PCDH15: variants seen among roughly 807,000 people sequenced by gnomAD.
The protein encoded by PCDH15 is protocadherin related 15.
Under a neutral mutation model 178.5 loss-of-function variants are expected in PCDH15, and 129 were observed. The observed-to-expected ratio is 0.72, with a 90% CI of 0.63 to 0.84. The LOEUF (loss-of-function observed/expected upper bound fraction) is 0.84. Among genes scored for constraint, PCDH15 ranks in the 40% least tolerant of loss-of-function variants. The probability of loss-of-function intolerance (pLI) is 0.00; values close to 1 mark genes in which losing one functional copy is unlikely to be tolerated. For synonymous variants in PCDH15, 800 were observed against 732.0 expected (o/e 1.09, Z -1.50); for missense variants, 2,230 against 2,099.9 (o/e 1.06, Z -1.21).
At chr10:55,012,992 T>G (rs1390760635) in intron 2 of PCDH15, among the ~76,000 whole-genome samples, 2 of 152,252 alleles carry the variant, frequency 1.3e-5, no homozygotes, top group East Asian at 3.9e-4. Flanking sequence ...AAGACATAAT[T>G]TATCTCCTTC....
At chr10:54,926,741 G>A (rs898659757) in intron 2 of PCDH15, among the ~76,000 whole-genome samples, 1 of 152,060 alleles carries the variant, frequency 6.6e-6, no homozygotes, top group Admixed American at 6.6e-5. Context: ...TATGTGCACA[G>A]ATGTGTTAAT....
chr10:54,921,751 A>G (rs1368043187), intron 2 of PCDH15, among the ~76,000 whole-genome samples: 1 of 152,098 alleles, frequency 6.6e-6, no homozygotes, highest in Non-Finnish European at 1.5e-5. Flanking sequence ...TCCACTCTAG[A>G]ACTGGCATAA....
At chr10:55,197,330 C>A (rs550070328) in intron 1 of PCDH15, among the ~76,000 whole-genome samples, 23 of 151,974 alleles carry the variant, frequency 1.5e-4, no homozygotes, top group Admixed American at 1.0e-3. Flanking sequence ...TAAACAGCAT[C>A]TTTTTGCTCT....
chr10:55,349,547 C>T (rs915333683), intron 2 of PCDH15, among the ~76,000 whole-genome samples: 1 of 151,716 alleles, frequency 6.6e-6, no homozygotes. Context: ...CTTTTTAGCT[C>T]TGAAAAATTA....
intron 2 of PCDH15, among the ~76,000 whole-genome samples, chr10:55,553,369 T>C (rs961333726): frequency 2.0e-5 from 3 of 151,866 alleles, no homozygotes; most frequent in African/African-American, 4.8e-5. Context: ...ATAAACTTTC[T>C]ATGTAATCCA....
chr10:55,072,664 G>T (rs1437796690), intron 2 of PCDH15, among the ~76,000 whole-genome samples: 1 of 151,994 alleles, frequency 6.6e-6, no homozygotes, highest in Non-Finnish European at 1.5e-5. Context: ...AATTCTACCA[G>T]AGGTACAAGG....
intron 2 of PCDH15, among the ~76,000 whole-genome samples, chr10:55,503,015 TTTTCCTAAA>T (rs1412995985): frequency 2.0e-5 from 3 of 151,568 alleles, no homozygotes; most frequent in Non-Finnish European, 3.0e-5. Context: ...ACAACATATA[TTTTCCTAAA>T]TTATACAGAT....
chr10:53,930,457 C>CAAAAAAAA (rs60673116), intron 25 of PCDH15, among the ~76,000 whole-genome samples: 2 of 50,348 alleles, frequency 4.0e-5, no homozygotes, highest in African/African-American at 8.1e-5. Context: ...GACTCCCTCT[C>CAAAAAAAA]AAAAAAAAAA....
intron 3 of PCDH15, among the ~76,000 whole-genome samples, chr10:54,888,861 C>A (rs535092029): frequency 2.1e-5 from 3 of 142,918 alleles, no homozygotes; most frequent in South Asian, 4.4e-4. Flanking sequence ...TGATATATGT[C>A]TTTTACAGAT....
chr10:55,540,534 A>C (rs1336501463), intron 2 of PCDH15, among the ~76,000 whole-genome samples: 1 of 152,114 alleles, frequency 6.6e-6, no homozygotes, highest in African/African-American at 2.4e-5. Context: ...ACCAGACTGT[A>C]ATTCTCTCAG....
intron 2 of PCDH15, among the ~76,000 whole-genome samples, chr10:55,564,672 C>T (rs902082530): frequency 1.3e-5 from 2 of 151,526 alleles, no homozygotes; most frequent in East Asian, 1.9e-4. Context: ...GAAAAAGACG[C>T]TCCATGTAAA....
intron 9 of PCDH15, among the ~76,000 whole-genome samples, chr10:54,214,819 G>A (rs7910568): frequency 2.0e-5 from 3 of 152,012 alleles, no homozygotes; most frequent in South Asian, 2.1e-4. Flanking sequence ...TTGAACTCCC[G>A]ACATCTGGTG....
chr10:54,828,527 A>G (rs1234412438), intron 3 of PCDH15, among the ~76,000 whole-genome samples: 1 of 151,922 alleles, frequency 6.6e-6, no homozygotes, highest in African/African-American at 2.4e-5. Context: ...TTTTTCTCCC[A>G]GGAAAAAATA....
intron 2 of PCDH15, among the ~76,000 whole-genome samples, chr10:55,619,925 T>A (rs530997146): frequency 1.6e-4 from 25 of 152,200 alleles, no homozygotes; most frequent in Middle Eastern, 3.4e-3. Context: ...ACAGTTAATC[T>A]CCTTTTCTAA....
chr10:53,866,564 G>A, intron 27 of PCDH15, 78 bp downstream of exon 27: 1 of 1,062,324 alleles, frequency 9.4e-7, no homozygotes, highest in Non-Finnish European at 1.5e-6. Context: ...ATTAATCTTA[G>A]AAGTTCTATA....
At chr10:54,699,810 ATTTC>A (rs144467280) in intron 1 of PCDH15, among the ~76,000 whole-genome samples, 11,966 of 151,940 alleles carry the variant, frequency 0.079, 519 homozygotes, top group South Asian at 0.14. Context: ...ATAGTTTTTT[ATTTC>A]TTTATCTTTT....
At chr10:54,935,502 C>T (rs1837881384) in intron 2 of PCDH15, among the ~76,000 whole-genome samples, 2 of 152,068 alleles carry the variant, frequency 1.3e-5, no homozygotes, top group African/African-American at 4.8e-5. Context: ...AAAGCAATTA[C>T]TAAAATGGAG....
chr10:55,259,259 T>G (rs544866955), intron 1 of PCDH15, among the ~76,000 whole-genome samples: 1 of 152,094 alleles, frequency 6.6e-6, no homozygotes, highest in African/African-American at 2.4e-5. Flanking sequence ...AAGAGATACA[T>G]AAACATATAA....
chr10:54,522,661 T>C (rs941507456), intron 3 of PCDH15, among the ~76,000 whole-genome samples: 19 of 152,344 alleles, frequency 1.2e-4, no homozygotes, highest in African/African-American at 4.1e-4. Flanking sequence ...TTTTCTTCTC[T>C]GATGCATCGC....
Sources: allele counts gnomAD v4.1 joint callset (sites outside exome capture counted in the v4.1 genomes callset), GRCh38; gene constraint gnomAD v4.1.1; transcripts MANE v1.5; gene names NCBI Gene and HGNC (gene_info 2026-07-23, HGNC 2026-07-21).